FILIP1L: variants seen among roughly 807,000 people sequenced by gnomAD.
FILIP1L encodes the protein filamin A-interacting protein 1-like.
Under a neutral mutation model 96.6 loss-of-function variants are expected in FILIP1L, and 55 were observed. That is an observed-to-expected ratio of 0.57 (90% CI 0.46 to 0.71). The LOEUF (loss-of-function observed/expected upper bound fraction) is 0.71, where lower values mean the gene tolerates loss of function less well. FILIP1L is among the 30% of genes least tolerant of loss of function. The pLI, the probability that FILIP1L is intolerant of heterozygous loss-of-function variation, is 0.00. For missense variants in FILIP1L, 1,304 were observed against 1,321.2 expected, an observed-to-expected ratio of 0.99 and a Z score of 0.20; for synonymous variants, 467 against 473.9, an observed-to-expected ratio of 0.99 and a Z score of 0.19.
At chr3:99,952,468 A>G (rs150851147) in intron 1 of FILIP1L, among the ~76,000 whole-genome samples, 103 of 152,326 alleles carry the variant, frequency 6.8e-4, no homozygotes, top group Non-Finnish European at 1.2e-3. Context: ...GAACCAGTGT[A>G]AAGAATTCAG....
At chr3:100,108,793 C>G (rs2066436157) in intron 1 of FILIP1L, among the ~76,000 whole-genome samples, 1 of 152,112 alleles carries the variant, frequency 6.6e-6, no homozygotes, top group African/African-American at 2.4e-5. Flanking sequence ...TTGTGGTACA[C>G]CTCATGCTCA....
In FILIP1L at chr3:100,090,994, C is replaced by T. The variant is rs148701324; in HGVS notation, c.-11+23059G>A. Among the ~76,000 whole-genome samples the T allele has an allele frequency of 4.5e-3, 679 of 152,154 alleles. 7 individuals carry two copies. The highest frequency in any genetic ancestry group is 0.016 in the African/African-American group (665 of 41,516). On this transcript the variant is annotated intron_variant, in intron 1 of 5. Transcript: ENST00000477258. The stretch of plus-strand genomic sequence containing the variant: ...ATTTGGAAAATGTCATTCCTGAAAC[C>T]CTACCTTAGGCCCGGGCACAGTGGC...
chr3:100,034,507 A>G (rs1196870579), intron 1 of FILIP1L, among the ~76,000 whole-genome samples: 4 of 152,188 alleles, frequency 2.6e-5, no homozygotes, highest in Non-Finnish European at 5.9e-5. Flanking sequence ...CAGTAATCCA[A>G]AAGGTTCTTT....
intron 1 of FILIP1L, among the ~76,000 whole-genome samples, chr3:99,948,558 G>C (rs544429629): frequency 6.9e-6 from 1 of 145,644 alleles, no homozygotes; most frequent in East Asian, 2.0e-4. Flanking sequence ...AGGGGGAGAA[G>C]AAGGAGAAGG....
chr3:100,075,234 T>A (rs1028944788), intron 1 of FILIP1L, among the ~76,000 whole-genome samples: 2 of 152,198 alleles, frequency 1.3e-5, no homozygotes, highest in African/African-American at 4.8e-5. Flanking sequence ...GATATATCAA[T>A]GCAATATGAT....
intron 1 of FILIP1L, among the ~76,000 whole-genome samples, chr3:99,974,258 G>T: frequency 6.6e-6 from 1 of 152,208 alleles, no homozygotes; most frequent in East Asian, 1.9e-4. Context: ...AGTATATACA[G>T]TTCGTGCTTT....
chr3:99,999,418 G>A (rs550844188), intron 1 of FILIP1L, among the ~76,000 whole-genome samples: 1 of 152,332 alleles, frequency 6.6e-6, no homozygotes, highest in South Asian at 2.1e-4. Flanking sequence ...GGATGGATGG[G>A]TGGGTGAGTG....
intron 1 of FILIP1L, among the ~76,000 whole-genome samples, chr3:99,983,422 A>ATATATATATATATATG (rs1559713456): frequency 1.8e-4 from 16 of 86,926 alleles, no homozygotes; most frequent in South Asian, 4.0e-4. Context: ...ATATATATGT[A>ATATATATATATATATG]TGTATGTATG....
intron 4 of FILIP1L, among the ~76,000 whole-genome samples, chr3:99,899,813 C>T (rs887760858): frequency 2.6e-5 from 4 of 152,176 alleles, no homozygotes; most frequent in Non-Finnish European, 2.9e-5. Context: ...CTCTGTGCCA[C>T]CGTTTTCTCA....
intron 1 of FILIP1L, among the ~76,000 whole-genome samples, chr3:99,986,835 C>G (rs1196732637): frequency 1.3e-5 from 2 of 152,100 alleles, no homozygotes; most frequent in African/African-American, 2.4e-5. Context: ...GAGGACAACC[C>G]TCCACAGCAA....
At chr3:99,904,001 A>G (rs75883782) in intron 4 of FILIP1L, among the ~76,000 whole-genome samples, 1,922 of 152,318 alleles carry the variant, frequency 0.013, 24 homozygotes, top group Non-Finnish European at 0.019. Flanking sequence ...TCTGGCCAGG[A>G]AGAGTAACTG....
chr3:100,031,352 T>G (rs1199405349), intron 1 of FILIP1L, among the ~76,000 whole-genome samples: 1 of 152,116 alleles, frequency 6.6e-6, no homozygotes, highest in Non-Finnish European at 1.5e-5. Flanking sequence ...ATAGAAATGT[T>G]TCCAAAGTTC....
intron 1 of FILIP1L, among the ~76,000 whole-genome samples, chr3:100,109,359 T>A (rs2066449445): frequency 1.3e-5 from 2 of 152,146 alleles, no homozygotes; most frequent in Admixed American, 1.3e-4. Flanking sequence ...AAATTACCTC[T>A]TATATAACGT....
chr3:100,019,218 C>G (rs1710433356), intron 1 of FILIP1L, among the ~76,000 whole-genome samples: 1 of 152,074 alleles, frequency 6.6e-6, no homozygotes, highest in South Asian at 2.1e-4. Context: ...AAAAAGTAGC[C>G]TGGTATGGTG....
intron 1 of FILIP1L, among the ~76,000 whole-genome samples, chr3:100,037,970 A>G (rs2065138882): frequency 7.0e-6 from 1 of 142,106 alleles, no homozygotes; most frequent in African/African-American, 2.7e-5. Flanking sequence ...GGGGGAGGGA[A>G]CAGAGTCTCA....
At chr3:99,992,028 G>A (rs186385558) in intron 1 of FILIP1L, among the ~76,000 whole-genome samples, 184 of 148,724 alleles carry the variant, frequency 1.2e-3, no homozygotes, top group Non-Finnish European at 2.3e-3. Flanking sequence ...ATATATATAC[G>A]TGTATATATA....
At chr3:99,945,864 C>T (rs972598400) in intron 1 of FILIP1L, among the ~76,000 whole-genome samples, 5 of 152,310 alleles carry the variant, frequency 3.3e-5, no homozygotes, top group Admixed American at 2.6e-4. Context: ...TTATGCGAAA[C>T]CTCTTGTCAC....
intron 4 of FILIP1L, among the ~76,000 whole-genome samples, chr3:99,893,408 G>A (rs1014916970): frequency 3.9e-5 from 6 of 152,114 alleles, no homozygotes; most frequent in Middle Eastern, 3.4e-3. Flanking sequence ...CTCGTGATCC[G>A]CCTGTCTCGG....
At chr3:100,108,856 A>G (rs371319869) in intron 1 of FILIP1L, among the ~76,000 whole-genome samples, 2 of 152,092 alleles carry the variant, frequency 1.3e-5, no homozygotes, top group East Asian at 3.9e-4. Context: ...TAGGCTTGCT[A>G]TGTCTATCTG....
Sources: gnomAD v4.1 joint callset for allele counts (sites outside exome capture counted in the v4.1 genomes callset) on GRCh38, gnomAD v4.1.1 for gene constraint, MANE v1.5 for transcripts, NCBI Gene and HGNC (gene_info 2026-07-23, HGNC 2026-07-21) for gene names.